Variants in SLC2A5 observed in about 807,000 individuals in gnomAD.
SLC2A5 encodes solute carrier family 2, facilitated glucose transporter member 5.
Under a neutral mutation model 50.3 loss-of-function variants are expected in SLC2A5, and 56 were observed. That is an observed-to-expected ratio of 1.11 (90% CI 0.90 to 1.39). SLC2A5 has a LOEUF of 1.39. Among genes scored for constraint, SLC2A5 ranks in the 40% most tolerant of loss-of-function variants. The probability of loss-of-function intolerance (pLI) is 0.00; values close to 1 mark genes in which losing one functional copy is unlikely to be tolerated. For missense variants in SLC2A5, 566 were observed against 650.1 expected (o/e 0.87, Z 1.41); for synonymous variants, 269 against 281.9 (o/e 0.95, Z 0.46).
At chr1:9,060,086 T>TACACAC (rs879348316) in intron 1 of SLC2A5, among the ~76,000 whole-genome samples, 1,828 of 92,506 alleles carry the variant, frequency 0.02, 25 homozygotes, top group South Asian at 0.095. Flanking sequence ...ACACACACAC[T>TACACAC]ACACACACAA....
rs1361349033 is a variant in SLC2A5 at position 9,039,665 on chromosome 1, G to A, written c.886-3C>T. 2 of 1,532,792 alleles carry A rather than the reference G, an allele frequency of 1.3e-6. No individual in the cohort carries two copies. The highest frequency in any genetic ancestry group is 2.4e-5 in the South Asian group (2 of 82,210). 94.9% of individuals were successfully genotyped at this position (1,532,792 alleles called of 1,614,324 possible). On this transcript the variant is annotated splice_region_variant and splice_polypyrimidine_tract_variant and intron_variant, in intron 7 of 11. Coordinates refer to ENST00000377424, the MANE Select transcript of SLC2A5 (RefSeq NM_003039.3). ...ATCTGGTCCGCGTAGTAGTAGATCTGCAAGGCAAGCGCGGGGCTGGGCGGC... is the reference window on the plus strand; with the variant it reads ...ATCTGGTCCGCGTAGTAGTAGATCTACAAGGCAAGCGCGGGGCTGGGCGGC...
At chr1:9,068,359 C>T (rs934000880) in intron 1 of SLC2A5, among the ~76,000 whole-genome samples, 4 of 151,668 alleles carry the variant, frequency 2.6e-5, no homozygotes, top group African/African-American at 9.7e-5. Context: ...AACTGAGGCA[C>T]TGAAGAGTTA....
upstream of SLC2A5, among the ~76,000 whole-genome samples, chr1:9,089,115 C>G (rs1004313245): frequency 6.6e-6 from 1 of 152,168 alleles, no homozygotes. Flanking sequence ...AATCAAGCCC[C>G]TATACAAAAT....
intron 1 of SLC2A5, among the ~76,000 whole-genome samples, chr1:9,069,165 C>A (rs903494453): frequency 6.6e-6 from 1 of 152,162 alleles, no homozygotes; most frequent in Non-Finnish European, 1.5e-5. Flanking sequence ...GAAAGCAGAG[C>A]GAAACATCTC....
chr1:9,092,016 T>A (rs1157424611), upstream of SLC2A5, among the ~76,000 whole-genome samples: 1 of 152,186 alleles, frequency 6.6e-6, no homozygotes, highest in African/African-American at 2.4e-5. Flanking sequence ...AGTGGGGCTA[T>A]CTCACGGCTC....
intron 2 of SLC2A5, among the ~76,000 whole-genome samples, chr1:9,078,968 C>T (rs924139240): frequency 1.9e-4 from 29 of 152,154 alleles, no homozygotes; most frequent in African/African-American, 6.3e-4. Flanking sequence ...CAGTGTATCT[C>T]GTCTGGGGAA....
At chr1:9,061,297 A>T (rs1641937494) in intron 1 of SLC2A5, among the ~76,000 whole-genome samples, 1 of 142,170 alleles carries the variant, frequency 7.0e-6, no homozygotes, top group Non-Finnish European at 1.5e-5. Flanking sequence ...AAAAAAAAAG[A>T]AAAAAGAAAA....
At chr1:9,080,317 GATAT>G (rs1208127262) in intron 2 of SLC2A5, among the ~76,000 whole-genome samples, 1 of 152,188 alleles carries the variant, frequency 6.6e-6, no homozygotes, top group Non-Finnish European at 1.5e-5. Context: ...AATTATTTTG[GATAT>G]ATACCCAGAA....
At chr1:9,077,845 C>T (rs1642310303) in intron 2 of SLC2A5, among the ~76,000 whole-genome samples, 1 of 150,650 alleles carries the variant, frequency 6.6e-6, no homozygotes, top group Non-Finnish European at 1.5e-5. Context: ...GAGTGTTGGT[C>T]CTGATCCAGA....
chr1:9,046,773 T>TTA (rs914319354), intron 4 of SLC2A5, among the ~76,000 whole-genome samples: 1 of 152,004 alleles, frequency 6.6e-6, no homozygotes, highest in African/African-American at 2.4e-5. Context: ...ATTTATTGAT[T>TTA]TATATATATA....
intron 3 of SLC2A5, among the ~76,000 whole-genome samples, chr1:9,048,876 C>T (rs1251289347): frequency 6.6e-6 from 1 of 152,058 alleles, no homozygotes; most frequent in Non-Finnish European, 1.5e-5. Context: ...AGGCTGGTCT[C>T]GAACTCCTGG....
intron 1 of SLC2A5, among the ~76,000 whole-genome samples, chr1:9,060,589 A>C: frequency 1.9e-5 from 2 of 105,500 alleles, no homozygotes; most frequent in Admixed American, 1.2e-4. Context: ...CACCCCCCAC[A>C]CACATAGGCA....
In SLC2A5 at chr1:9,038,911, G is replaced by A. The variant is rs767882663; in HGVS notation, c.1015C>T (p.Leu339=). 59 of 1,612,538 alleles carry A rather than the reference G, an allele frequency of 3.7e-5. No individual in the cohort carries two copies. Among genetic ancestry groups the A allele is most frequent in the Non-Finnish European group, 4.7e-5 (55 of 1,179,904 alleles). ...AGCAGCAGCAGCAGCCTCCGACCCA[G>A]GAGCTCCACCACGAACACCTACAGG... ...TFCAVFVVEL[L]GRRLLLLLGF... is the part of the protein sequence containing the mutation. The change falls in exon 9 of 12, where the codon CTG becomes TTG. Residue 339 remains leucine (L), a synonymous_variant. Coordinates refer to ENST00000377424, the MANE Select transcript of SLC2A5 (RefSeq NM_003039.3).
chr1:9,093,910 G>A, the SLC2A5 span, among the ~76,000 whole-genome samples: 1 of 152,114 alleles, frequency 6.6e-6, no homozygotes, highest in Non-Finnish European at 1.5e-5. Flanking sequence ...AAGCTGACAT[G>A]CTGGTCGGCA....
chr1:9,078,255 C>T (rs879167166), intron 2 of SLC2A5, among the ~76,000 whole-genome samples: 6 of 152,182 alleles, frequency 3.9e-5, no homozygotes, highest in Admixed American at 2.0e-4. Flanking sequence ...CCATCACCAT[C>T]TTGGTTTCGG....
rs765712533 is a variant in SLC2A5 at position 9,037,794 on chromosome 1, G to A, written c.1303-5C>T. On this transcript the variant is annotated splice_region_variant and splice_polypyrimidine_tract_variant and intron_variant, in intron 11 of 11. Transcript: ENST00000377424. The stretch of plus-strand genomic sequence containing the variant: ...GCTGTACGGGCCGAGGCCCTCCTGC[G>A]GGAAGAGGGGCAGGTGACACGTGTG... 14 of 1,614,078 alleles carry A rather than the reference G, an allele frequency of 8.7e-6. No individual in the cohort carries two copies. In the South Asian group the frequency reaches 8.8e-5, roughly 10 times the overall value.
chr1:9,046,603 T>C (rs1235186811), intron 4 of SLC2A5, among the ~76,000 whole-genome samples: 1 of 152,092 alleles, frequency 6.6e-6, no homozygotes. Flanking sequence ...TTTCTCAAGC[T>C]TTTTTGACTC....
At chr1:9,059,136 CTTTTTTTTTTTTT>C (rs869052429) in intron 1 of SLC2A5, among the ~76,000 whole-genome samples, 1 of 53,926 alleles carries the variant, frequency 1.9e-5, no homozygotes, top group Non-Finnish European at 3.1e-5. Flanking sequence ...GCCTTTCTTT[CTTTTTTTTTTTTT>C]TTTTTTTTTT....
intron 1 of SLC2A5, among the ~76,000 whole-genome samples, chr1:9,060,488 C>G (rs1251316854): frequency 7.2e-6 from 1 of 138,862 alleles, no homozygotes; most frequent in Non-Finnish European, 1.6e-5. Context: ...CCATACCCCA[C>G]CCCCCCACAT....
Sources: gnomAD v4.1 joint callset for allele counts (sites outside exome capture counted in the v4.1 genomes callset) on GRCh38, gnomAD v4.1.1 for gene constraint, MANE v1.5 for transcripts, NCBI Gene and HGNC (gene_info 2026-07-23, HGNC 2026-07-21) for gene names.